The following CPA6 variants were observed in gnomAD, a reference collection of about 807,000 sequenced individuals.
The protein encoded by CPA6 is carboxypeptidase B.
In CPA6, 58 loss-of-function variants were observed where a neutral mutation model predicts 63.3. The observed-to-expected ratio is 0.92, with a 90% CI of 0.74 to 1.14. The LOEUF (loss-of-function observed/expected upper bound fraction) is 1.14. Among genes scored for constraint, CPA6 ranks in the 50% most tolerant of loss-of-function variants. The probability of loss-of-function intolerance (pLI) is 0.00; values close to 1 mark genes in which losing one functional copy is unlikely to be tolerated. For missense variants in CPA6, 565 were observed against 526.6 expected (o/e 1.07, Z -0.71); for synonymous variants, 185 against 179.0 (o/e 1.03, Z -0.27).
chr8:67,658,396 T>C (rs1816037493), intron 1 of CPA6, among the ~76,000 whole-genome samples: 2 of 152,216 alleles, frequency 1.3e-5, no homozygotes, highest in Admixed American at 1.3e-4. Context: ...GTCATATACA[T>C]TTGTTAAACG....
chr8:67,535,309 T>C (rs554665991), intron 2 of CPA6, among the ~76,000 whole-genome samples: 1 of 152,298 alleles, frequency 6.6e-6, no homozygotes, highest in Non-Finnish European at 1.5e-5. Flanking sequence ...TTGAACTAAT[T>C]TACACTTCCA....
intron 1 of CPA6, among the ~76,000 whole-genome samples, chr8:67,677,379 G>T (rs1330652888): frequency 7.0e-6 from 1 of 142,200 alleles, no homozygotes; most frequent in African/African-American, 2.7e-5. Flanking sequence ...TGCTGGAAAA[G>T]GGGAAGATAT....
intron 8 of CPA6, among the ~76,000 whole-genome samples, chr8:67,475,009 A>G (rs1292896618): frequency 6.6e-6 from 1 of 152,128 alleles, no homozygotes; most frequent in Non-Finnish European, 1.5e-5. Context: ...CAAAAACAAA[A>G]AAACCCAAAA....
At chr8:67,729,798 T>C (rs1817672179) in intron 1 of CPA6, among the ~76,000 whole-genome samples, 1 of 152,182 alleles carries the variant, frequency 6.6e-6, no homozygotes, top group Admixed American at 6.5e-5. Context: ...ATATAGGAGA[T>C]GTAAATCACC....
At chr8:67,735,176 A>C (rs1428680587) in intron 1 of CPA6, 1 of 152,112 alleles carries the variant, frequency 6.6e-6, no homozygotes, top group East Asian at 1.9e-4. Flanking sequence ...ATTTTTTTTA[A>C]TCTCTCCCTC....
intron 1 of CPA6, among the ~76,000 whole-genome samples, chr8:67,655,845 C>G (rs1216140920): frequency 1.3e-5 from 2 of 152,186 alleles, no homozygotes; most frequent in African/African-American, 2.4e-5. Flanking sequence ...AGGCAAAAGA[C>G]AGAAGACAGT....
At chr8:67,711,612 C>A (rs1303624312) in intron 1 of CPA6, among the ~76,000 whole-genome samples, 1 of 151,770 alleles carries the variant, frequency 6.6e-6, no homozygotes, top group Non-Finnish European at 1.5e-5. Context: ...ACCCTGTCCC[C>A]AAGGGCAGTG....
chr8:67,449,319 CTA>C (rs1810503162), intron 8 of CPA6, among the ~76,000 whole-genome samples: 1 of 152,190 alleles, frequency 6.6e-6, no homozygotes, highest in Non-Finnish European at 1.5e-5. Flanking sequence ...TTCTGCTGTT[CTA>C]TGTGTCTATT....
At chr8:67,537,311 A>G (rs980190922) in intron 2 of CPA6, among the ~76,000 whole-genome samples, 2 of 152,112 alleles carry the variant, frequency 1.3e-5, no homozygotes, top group Non-Finnish European at 2.9e-5. Flanking sequence ...TTTGGGGTGA[A>G]TCTGTTTGGT....
intron 2 of CPA6, among the ~76,000 whole-genome samples, chr8:67,543,952 T>TA (rs1239617528): frequency 6.6e-6 from 1 of 151,892 alleles, no homozygotes; most frequent in Non-Finnish European, 1.5e-5. Flanking sequence ...CCTGGCTGAT[T>TA]AAAAAAATGT....
chr8:67,629,479 C>CAAAAAAAAAA (rs34412333), intron 1 of CPA6, among the ~76,000 whole-genome samples: 1 of 94,020 alleles, frequency 1.1e-5, no homozygotes, highest in African/African-American at 3.6e-5. Flanking sequence ...GACCCTGTCT[C>CAAAAAAAAAA]AAAAAAAAAA....
At chr8:67,641,424 T>C (rs1815589940) in intron 1 of CPA6, among the ~76,000 whole-genome samples, 1 of 152,204 alleles carries the variant, frequency 6.6e-6, no homozygotes, top group Non-Finnish European at 1.5e-5. Context: ...ATTTCTAGAA[T>C]TAAATTAAGT....
chr8:67,466,756 A>C (rs998318289), intron 8 of CPA6, among the ~76,000 whole-genome samples: 3 of 152,136 alleles, frequency 2.0e-5, no homozygotes, highest in Non-Finnish European at 4.4e-5. Context: ...TTTCCATGTG[A>C]CTGTGTGGTT....
intron 6 of CPA6, among the ~76,000 whole-genome samples, chr8:67,505,277 A>G (rs1007017781): frequency 1.3e-5 from 2 of 152,336 alleles, no homozygotes; most frequent in Non-Finnish European, 2.9e-5. Context: ...GTTGTTCTAC[A>G]TGTTGGGATT....
Position 67,673,414 on chromosome 8 carries a change from C to T in CPA6, c.117-49163G>A, listed in dbSNP as rs371107483. ...TTTTTTTTTTTTTGAGACTGAATCT[C>T]GCTCTGTCACCCAGGCTGGAGTGCA... On this transcript the variant is annotated intron_variant, in intron 1 of 10. Transcript: ENST00000297770. Among the ~76,000 whole-genome samples, 12 of 141,866 alleles carry T rather than the reference C, an allele frequency of 8.5e-5. No homozygotes were observed. In the East Asian group the frequency reaches 1.8e-3, roughly 22 times the overall value. The allele number at this position is 141,866 out of a possible 152,430, so 93.1% of individuals were successfully genotyped here.
chr8:67,672,458 C>G (rs1816370761), intron 1 of CPA6, among the ~76,000 whole-genome samples: 1 of 152,146 alleles, frequency 6.6e-6, no homozygotes, highest in Non-Finnish European at 1.5e-5. Flanking sequence ...TCCCACTCCT[C>G]AAGCCAGTAA....
At position 67,545,580 on chromosome 8, in the gene CPA6, T is replaced by TTTTTTTTTTTTTTTTTTG. The variant is rs750417027; in HGVS notation, c.193-27534_193-27533insCAAAAAAAAAAAAAAAAA. Among the ~76,000 whole-genome samples, 8 of 125,670 alleles carry TTTTTTTTTTTTTTTTTTG rather than the reference T, an allele frequency of 6.4e-5. 1 individual carries two copies. The highest frequency in any genetic ancestry group is 8.3e-5 in the Non-Finnish European group (5 of 60,026). 82.4% of individuals were successfully genotyped at this position (125,670 alleles called of 152,430 possible). Reference sequence around the variant, plus strand: ...TACTGTTACTTTTTTTTTTTTTTTTTTTTTGAGATGGAGTTTTGCTCTTGT... The same window carrying TTTTTTTTTTTTTTTTTTG: ...TACTGTTACTTTTTTTTTTTTTTTTTTTTTTTTTTTTTTTTTTGTTTTGAGATGGAGTTTTGCTCTTGT... On this transcript the variant is annotated intron_variant, in intron 2 of 10. Coordinates refer to ENST00000297770, the MANE Select transcript of CPA6 (RefSeq NM_020361.5).
At chr8:67,484,940 T>TTC (rs3832593) in intron 6 of CPA6, 151 bp from the exon 7 acceptor site, 32,507 of 515,398 alleles carry the variant, frequency 0.063, 5,096 homozygotes, top group African/African-American at 0.43. Flanking sequence ...ACATTGTAAA[T>TTC]TCTGTTAAGA....
At chr8:67,603,318 C>T (rs1158502961) in intron 2 of CPA6, among the ~76,000 whole-genome samples, 1 of 151,774 alleles carries the variant, frequency 6.6e-6, no homozygotes, top group Non-Finnish European at 1.5e-5. Flanking sequence ...TTAATTTTAA[C>T]AATTTTTTTT....
Sources: allele counts gnomAD v4.1 joint callset (sites outside exome capture counted in the v4.1 genomes callset), GRCh38; gene constraint gnomAD v4.1.1; transcripts MANE v1.5; gene names NCBI Gene and HGNC (gene_info 2026-07-23, HGNC 2026-07-21).